The following ATRNL1 variants were observed in gnomAD, a reference collection of about 807,000 sequenced individuals.
ATRNL1 encodes the protein attractin-like protein 1.
A neutral mutation model predicts 182.7 loss-of-function variants in ATRNL1; 95 were observed. The ratio of observed to expected loss-of-function variants is 0.52; its 90% CI spans 0.44 to 0.62. The LOEUF (loss-of-function observed/expected upper bound fraction) is 0.62, where lower values mean the gene tolerates loss of function less well. ATRNL1 is among the 20% of genes least tolerant of loss of function. The pLI is 0.00. For missense variants in ATRNL1, 1,471 were observed against 1,679.5 expected, an observed-to-expected ratio of 0.88 and a Z score of 2.17; for synonymous variants, 576 against 568.3, an observed-to-expected ratio of 1.01 and a Z score of -0.19.
rs140223530 is a variant in ATRNL1, at chr10:115,357,361, A to C, written c.3175+22942A>C. On this transcript the variant is annotated intron_variant, in intron 19 of 28. Transcript: ENST00000355044. ...TTCTGATATTTGTACAATTTTTTCA[A>C]AAGGCAAAACCAAACTAAATTCCAA... Among the ~76,000 whole-genome samples the C allele has an allele frequency of 8.4e-3, 1,273 of 151,898 alleles. 9 individuals carry two copies. The highest frequency in any genetic ancestry group is 0.012 in the Non-Finnish European group (801 of 67,810).
chr10:115,539,760 C>T (rs1852244052), intron 25 of ATRNL1, among the ~76,000 whole-genome samples: 1 of 152,098 alleles, frequency 6.6e-6, no homozygotes, highest in Admixed American at 6.5e-5. Flanking sequence ...GAACCACAAT[C>T]CCAAGGGAAG....
At chr10:115,469,669 G>A (rs772822776) in intron 24 of ATRNL1, among the ~76,000 whole-genome samples, 14 of 150,416 alleles carry the variant, frequency 9.3e-5, no homozygotes, top group Non-Finnish European at 1.0e-4. Context: ...ATTATTTTCC[G>A]TTTGAGTAGT....
chr10:115,202,216 C>T (rs1261657959), intron 8 of ATRNL1, among the ~76,000 whole-genome samples: 2 of 151,880 alleles, frequency 1.3e-5, no homozygotes, highest in African/African-American at 2.4e-5. Flanking sequence ...AATTGAATAC[C>T]CTTTATTTGC....
chr10:115,197,253 T>TCATA (rs1207631791), intron 8 of ATRNL1, among the ~76,000 whole-genome samples: 1 of 152,136 alleles, frequency 6.6e-6, no homozygotes, highest in South Asian at 2.1e-4. Context: ...ATTATCCTTT[T>TCATA]CATATATTGC....
At chr10:115,894,537 TA>T (rs1952159055) in intron 28 of ATRNL1, among the ~76,000 whole-genome samples, 1 of 152,210 alleles carries the variant, frequency 6.6e-6, no homozygotes, top group Admixed American at 6.5e-5. Context: ...GGGAACCACC[TA>T]AAAATCCCAA....
At chr10:115,524,708 G>C (rs1554986112) in intron 25 of ATRNL1, among the ~76,000 whole-genome samples, 1 of 152,142 alleles carries the variant, frequency 6.6e-6, no homozygotes, top group Non-Finnish European at 1.5e-5. Context: ...TTGTACATCA[G>C]TTCTATTTAT....
At chr10:115,305,710 T>C (rs1000083498) in intron 17 of ATRNL1, among the ~76,000 whole-genome samples, 1 of 152,166 alleles carries the variant, frequency 6.6e-6, no homozygotes, top group African/African-American at 2.4e-5. Flanking sequence ...TACATTTAGG[T>C]ATAAAGTTAA....
intron 19 of ATRNL1, among the ~76,000 whole-genome samples, chr10:115,335,698 C>A (rs1178993048): frequency 1.3e-5 from 2 of 152,180 alleles, no homozygotes; most frequent in Non-Finnish European, 2.9e-5. Context: ...TTGCATAAAA[C>A]TGATGCATAT....
At chr10:115,912,416 T>TATTTGTG (rs1952710438) in intron 28 of ATRNL1, among the ~76,000 whole-genome samples, 1 of 148,092 alleles carries the variant, frequency 6.8e-6, no homozygotes, top group African/African-American at 2.5e-5. Context: ...ATATATATAT[T>TATTTGTG]TGTGTGTGTG....
At chr10:115,732,842 T>C (rs1947839815) in intron 27 of ATRNL1, among the ~76,000 whole-genome samples, 1 of 152,188 alleles carries the variant, frequency 6.6e-6, no homozygotes, top group Admixed American at 6.5e-5. Flanking sequence ...AAAGTTCATG[T>C]AGTATACTTT....
chr10:115,738,126 A>ATTTTTTTTTTT lies in ATRNL1; in HGVS notation c.3903+10791_3903+10801dup, dbSNP rs10546896. On this transcript the variant is annotated intron_variant, in intron 27 of 28. Coordinates refer to ENST00000355044, the MANE Select transcript of ATRNL1 (RefSeq NM_207303.4). ...ATAAAAAATGATTTAGAAGATAATG[A>ATTTTTTTTTTT]TTTTTTTTTTTTTTTTTTTTTTTTT... Among the ~76,000 whole-genome samples the ATTTTTTTTTTT allele has an allele frequency of 5.3e-3, 248 of 47,094 alleles. 47 individuals are homozygous for ATTTTTTTTTTT. Among genetic ancestry groups the ATTTTTTTTTTT allele is most frequent in the African/African-American group, 0.016 (240 of 15,212 alleles). The allele number at this position is 47,094 out of a possible 152,430, so 30.9% of individuals were successfully genotyped here.
At chr10:115,728,298 C>CAAAA (rs58437496) in intron 27 of ATRNL1, among the ~76,000 whole-genome samples, 44 of 58,762 alleles carry the variant, frequency 7.5e-4, no homozygotes, top group Admixed American at 9.6e-4. Flanking sequence ...GACTCCGCCT[C>CAAAA]AAAAAAAAAA....
chr10:115,261,158 C>T (rs1178399519), intron 10 of ATRNL1, among the ~76,000 whole-genome samples: 1 of 152,024 alleles, frequency 6.6e-6, no homozygotes, highest in African/African-American at 2.4e-5. Context: ...CTTACAAAAG[C>T]AATACGAGAA....
chr10:115,624,962 A>G lies in ATRNL1; in HGVS notation c.3795+75426A>G, dbSNP rs12265574. Among the ~76,000 whole-genome samples the G allele has an allele frequency of 9.6e-3, 1,460 of 152,244 alleles. 23 individuals carry two copies. The highest frequency in any genetic ancestry group is 0.033 in the African/African-American group (1,378 of 41,538). On this transcript the variant is annotated intron_variant, in intron 26 of 28. Coordinates refer to ENST00000355044, the MANE Select transcript of ATRNL1 (RefSeq NM_207303.4). ...AAGATTTCAAATGTTTTCAGGCAAT[A>G]TTAGTTTACTATCATAATACTAAAT...
At chr10:115,613,985 C>A (rs1400745864) in intron 26 of ATRNL1, among the ~76,000 whole-genome samples, 3 of 151,608 alleles carry the variant, frequency 2.0e-5, no homozygotes, top group African/African-American at 7.3e-5. Flanking sequence ...TTTTGCTGAT[C>A]TTGTATTATA....
chr10:115,907,831 G>T (rs1179241861), intron 28 of ATRNL1, among the ~76,000 whole-genome samples: 2 of 152,068 alleles, frequency 1.3e-5, no homozygotes, highest in Admixed American at 1.3e-4. Context: ...GGTCTTAAAG[G>T]CCTTGTTAGG....
intron 26 of ATRNL1, among the ~76,000 whole-genome samples, chr10:115,707,000 GATTA>G (rs1456676026): frequency 1.3e-5 from 2 of 151,730 alleles, no homozygotes; most frequent in African/African-American, 2.4e-5. Flanking sequence ...TAATTGATAT[GATTA>G]ATTATTAATC....
At chr10:115,512,391 A>T (rs1478434178) in intron 24 of ATRNL1, among the ~76,000 whole-genome samples, 2 of 151,916 alleles carry the variant, frequency 1.3e-5, no homozygotes, top group African/African-American at 4.8e-5. Flanking sequence ...ACACAATAAC[A>T]TCTGTACCTT....
intron 21 of ATRNL1, among the ~76,000 whole-genome samples, chr10:115,445,763 A>G (rs1313044872): frequency 1.3e-4 from 3 of 23,312 alleles, no homozygotes; most frequent in Non-Finnish European, 2.7e-4. Flanking sequence ...GTCAGCAGTC[A>G]CTTATCATTC....
Sources: allele counts gnomAD v4.1 joint callset (sites outside exome capture counted in the v4.1 genomes callset), GRCh38; gene constraint gnomAD v4.1.1; transcripts MANE v1.5; gene names NCBI Gene and HGNC (gene_info 2026-07-23, HGNC 2026-07-21).